Variants in CNTNAP2 observed in about 807,000 individuals in gnomAD.
The protein encoded by CNTNAP2 is contactin associated protein 2, also known as contactin-associated protein-like 2.
Under a neutral mutation model 155.2 loss-of-function variants are expected in CNTNAP2, and 98 were observed. The observed-to-expected ratio is 0.63, with a 90% CI of 0.54 to 0.75. CNTNAP2 has a LOEUF of 0.75. Among genes scored for constraint, CNTNAP2 ranks in the 30% least tolerant of loss-of-function variants. CNTNAP2 has a pLI of 0.00. For missense variants in CNTNAP2, 1,727 were observed against 1,688.1 expected, an observed-to-expected ratio of 1.02 and a Z score of -0.40; for synonymous variants, 651 against 631.2, an observed-to-expected ratio of 1.03 and a Z score of -0.47.
At position 147,456,042 on chromosome 7, in the gene CNTNAP2, A is replaced by T. The variant is rs147997796; in HGVS notation, c.1671-29893A>T. Among the ~76,000 whole-genome samples the T allele has an allele frequency of 5.9e-5, 9 of 152,302 alleles. No homozygotes were observed. The East Asian group carries it at 1.4e-3, about 23-fold the overall frequency. On this transcript the variant is annotated intron_variant, in intron 10 of 23. Coordinates refer to ENST00000361727, the MANE Select transcript of CNTNAP2 (RefSeq NM_014141.6). Reference sequence around the variant, plus strand: ...ATGAATTGATGACTCCTTTGTAAACATGAGAGTGTACTTGTATGTATGTAT... The same window carrying T: ...ATGAATTGATGACTCCTTTGTAAACTTGAGAGTGTACTTGTATGTATGTAT...
chr7:147,547,630 AACAC>A (rs55909556), intron 11 of CNTNAP2, among the ~76,000 whole-genome samples: 31 of 116,066 alleles, frequency 2.7e-4, no homozygotes, highest in East Asian at 2.6e-3. Context: ...ATTTCTTCTA[AACAC>A]ACACACACAC....
intron 11 of CNTNAP2, among the ~76,000 whole-genome samples, chr7:147,495,851 T>C (rs1798698222): frequency 6.6e-6 from 1 of 152,052 alleles, no homozygotes; most frequent in Non-Finnish European, 1.5e-5. Context: ...TAGCAGAAGG[T>C]GAGCAGTGGT....
chr7:147,609,651 G>C (rs1008330852), intron 12 of CNTNAP2, among the ~76,000 whole-genome samples: 1 of 152,020 alleles, frequency 6.6e-6, no homozygotes, highest in Non-Finnish European at 1.5e-5. Context: ...AAAAATAGAG[G>C]TGATGTAGGG....
chr7:147,893,904 T>TG (rs1200553579), intron 13 of CNTNAP2, among the ~76,000 whole-genome samples: 2 of 152,122 alleles, frequency 1.3e-5, no homozygotes, highest in Admixed American at 6.5e-5. Context: ...TTCCAGTCCC[T>TG]GGGGGAGGGG....
At chr7:146,745,125 T>C (rs1055377122) in intron 1 of CNTNAP2, among the ~76,000 whole-genome samples, 1 of 152,172 alleles carries the variant, frequency 6.6e-6, no homozygotes, top group African/African-American at 2.4e-5. Flanking sequence ...CATCCCATCA[T>C]GGTTTTAGAA....
chr7:146,627,966 T>A (rs1799447260), intron 1 of CNTNAP2, among the ~76,000 whole-genome samples: 1 of 152,114 alleles, frequency 6.6e-6, no homozygotes, highest in Non-Finnish European at 1.5e-5. Context: ...ATATACAAAT[T>A]TATGTGTGTT....
At chr7:147,142,433 C>T (rs1484943334) in intron 8 of CNTNAP2, among the ~76,000 whole-genome samples, 1 of 152,168 alleles carries the variant, frequency 6.6e-6, no homozygotes, top group Non-Finnish European at 1.5e-5. Flanking sequence ...CCCACTTGAT[C>T]ATGGTGGATA....
intron 3 of CNTNAP2, among the ~76,000 whole-genome samples, chr7:147,022,077 C>A (rs1346183118): frequency 6.6e-6 from 1 of 151,984 alleles, no homozygotes; most frequent in African/African-American, 2.4e-5. Context: ...GTCCTGTAGA[C>A]CCTATCTAGA....
intron 13 of CNTNAP2, among the ~76,000 whole-genome samples, chr7:147,660,921 A>C (rs539217319): frequency 6.6e-6 from 1 of 152,300 alleles, no homozygotes; most frequent in East Asian, 1.9e-4. Flanking sequence ...AGATGAAATC[A>C]CAGCATACTC....
chr7:146,919,245 G>T (rs775808210), intron 3 of CNTNAP2, among the ~76,000 whole-genome samples: 4 of 152,132 alleles, frequency 2.6e-5, no homozygotes, highest in African/African-American at 9.7e-5. Flanking sequence ...TCGTTTGAGG[G>T]TGTTAAAGAA....
At chr7:147,087,591 A>G (rs1344109255) in intron 4 of CNTNAP2, among the ~76,000 whole-genome samples, 2 of 152,220 alleles carry the variant, frequency 1.3e-5, no homozygotes, top group African/African-American at 4.8e-5. Context: ...TGGATACTAC[A>G]GAAACAGCAT....
At chr7:147,880,864 TGTGTG>T (rs1466989436) in intron 13 of CNTNAP2, among the ~76,000 whole-genome samples, 2 of 101,722 alleles carry the variant, frequency 2.0e-5, no homozygotes, top group African/African-American at 4.6e-5. Flanking sequence ...GGTGTGTGTG[TGTGTG>T]TGTGTGTGTG....
chr7:147,031,908 ACT>A (rs1799041051), intron 3 of CNTNAP2, among the ~76,000 whole-genome samples: 1 of 152,206 alleles, frequency 6.6e-6, no homozygotes, highest in African/African-American at 2.4e-5. Context: ...ACAGAAAAAG[ACT>A]CTGTCAAAAC....
intron 10 of CNTNAP2, among the ~76,000 whole-genome samples, chr7:147,485,649 G>T (rs1290243588): frequency 6.6e-5 from 10 of 152,126 alleles, no homozygotes. Context: ...TGGGGTAAAA[G>T]AAAAATAAAA....
chr7:146,843,263 C>A (rs1485377146), intron 3 of CNTNAP2, among the ~76,000 whole-genome samples: 1 of 148,646 alleles, frequency 6.7e-6, no homozygotes, highest in South Asian at 2.1e-4. Flanking sequence ...CCACCCGCCT[C>A]GGCCTCCCAA....
At chr7:146,137,343 T>C (rs1236091150) in intron 1 of CNTNAP2, among the ~76,000 whole-genome samples, 1 of 152,206 alleles carries the variant, frequency 6.6e-6, no homozygotes, top group Admixed American at 6.6e-5. Context: ...GAGAAGTTAA[T>C]ATATTATTGA....
At chr7:148,395,959 C>A (rs762985500) in intron 22 of CNTNAP2, among the ~76,000 whole-genome samples, 24 of 152,110 alleles carry the variant, frequency 1.6e-4, no homozygotes, top group Non-Finnish European at 2.9e-4. Context: ...AGATTTTGAA[C>A]CCCAGGGAGG....
chr7:148,253,210 C>T (rs1199036956), intron 20 of CNTNAP2, among the ~76,000 whole-genome samples: 1 of 152,172 alleles, frequency 6.6e-6, no homozygotes, highest in East Asian at 1.9e-4. Flanking sequence ...TTCCAAAACA[C>T]ATCCTAAGGA....
chr7:147,676,369 T>C (rs1033007126), intron 13 of CNTNAP2, among the ~76,000 whole-genome samples: 2 of 152,036 alleles, frequency 1.3e-5, no homozygotes, highest in African/African-American at 2.4e-5. Flanking sequence ...CTATTTTATT[T>C]AGTAATATAT....
Sources: gnomAD v4.1 joint callset for allele counts (sites outside exome capture counted in the v4.1 genomes callset) on GRCh38, gnomAD v4.1.1 for gene constraint, MANE v1.5 for transcripts, NCBI Gene and HGNC (gene_info 2026-07-23, HGNC 2026-07-21) for gene names.